MSI2: variants seen among roughly 807,000 people sequenced by gnomAD.
MSI2 encodes the protein RNA-binding protein Musashi homolog 2.
Under a neutral mutation model 45.6 loss-of-function variants are expected in MSI2, and 17 were observed. The observed-to-expected ratio is 0.37, with a 90% CI of 0.26 to 0.56. The LOEUF is 0.56. Among genes scored for constraint, MSI2 ranks in the 20% least tolerant of loss-of-function variants. The pLI is 0.77. For missense variants in MSI2, 293 were observed against 444.2 expected (o/e 0.66, Z 3.06); for synonymous variants, 156 against 158.2 (o/e 0.99, Z 0.11).
chr17:57,450,283 G>C (rs978165409), intron 6 of MSI2: 1 of 131,668 alleles, frequency 7.6e-6, no homozygotes, highest in African/African-American at 3.2e-5. Context: ...AAGAAAGAAA[G>C]AAAGAAAGAA....
chr17:57,619,662 T>C (rs1245212303), intron 9 of MSI2, among the ~76,000 whole-genome samples: 2 of 152,144 alleles, frequency 1.3e-5, no homozygotes, highest in Admixed American at 6.5e-5. Context: ...CTGCAGCTCG[T>C]GGGCAGACCC....
intron 7 of MSI2, among the ~76,000 whole-genome samples, chr17:57,591,779 G>C (rs1287808908): frequency 6.6e-6 from 1 of 151,926 alleles, no homozygotes; most frequent in East Asian, 1.9e-4. Flanking sequence ...TGGGGGAGGG[G>C]GAAATGGGGA....
chr17:57,446,771 G>T (rs943377999), intron 6 of MSI2, among the ~76,000 whole-genome samples: 26 of 152,176 alleles, frequency 1.7e-4, no homozygotes, highest in African/African-American at 6.0e-4. Flanking sequence ...TTGATAGAAT[G>T]GATGAAAATG....
At position 57,683,952 on chromosome 17, in the gene MSI2, A is replaced by AT. The variant is rs1303784303; in HGVS notation, c.*4435_*4436insT. On this transcript the variant is annotated 3_prime_UTR_variant, in exon 14 of 14. Transcript: ENST00000284073. The surrounding 1 kb of genome is among the most constrained non-coding windows in gnomAD (Gnocchi z 5.2). ...CTTTCTTTTTTTTCTACCAAAAAAA[A>AT]GTAAGTAAACTAAAACACAAAAACA... is the stretch of plus-strand genomic sequence containing the variant. The AT allele has an allele frequency of 8.7e-6, 2 of 230,004 alleles. No individual in the cohort carries two copies. Among genetic ancestry groups the AT allele is most frequent in the Non-Finnish European group, 1.7e-5 (2 of 116,058 alleles). 14.2% of individuals were successfully genotyped at this position (230,004 alleles called of 1,614,324 possible).
At chr17:57,305,767 C>T (rs932538997) in intron 5 of MSI2, among the ~76,000 whole-genome samples, 1 of 152,174 alleles carries the variant, frequency 6.6e-6, no homozygotes, top group South Asian at 2.1e-4. Context: ...TCTGTTCCTT[C>T]TCTGCCATTG....
intron 5 of MSI2, among the ~76,000 whole-genome samples, chr17:57,269,173 G>C (rs1908117737): frequency 6.6e-6 from 1 of 152,206 alleles, no homozygotes; most frequent in African/African-American, 2.4e-5. Flanking sequence ...CTAGGCACTA[G>C]GAAAGGTCAG....
Position 57,444,322 on chromosome 17 carries a change from C to G in MSI2, c.405+42851C>G, listed in dbSNP as rs539822668. Among the ~76,000 whole-genome samples the G allele has an allele frequency of 3.6e-3, 550 of 152,102 alleles. 9 individuals carry two copies. Among genetic ancestry groups the G allele is most frequent in the African/African-American group, 0.013 (540 of 41,502 alleles). ...AGCACGGGCCAGGCACAGTAGCTCA[C>G]GCCTATAATCCCAGCACTTTGGGAG... On this transcript the variant is annotated intron_variant, in intron 6 of 13. Coordinates refer to ENST00000284073, the MANE Select transcript of MSI2 (RefSeq NM_138962.4).
chr17:57,604,878 C>T (rs1242148671), intron 8 of MSI2, among the ~76,000 whole-genome samples: 1 of 151,558 alleles, frequency 6.6e-6, no homozygotes, highest in African/African-American at 2.4e-5. Context: ...TGGCTCACCC[C>T]CCCACTCCTT....
chr17:57,279,529 A>T (rs529080069), intron 5 of MSI2: 1 of 152,344 alleles, frequency 6.6e-6, no homozygotes, highest in Non-Finnish European at 1.5e-5. Flanking sequence ...CCAGTCCTGA[A>T]CCAGGCCCAA....
At chr17:57,588,083 A>G (rs1261326503) in intron 7 of MSI2, among the ~76,000 whole-genome samples, 2 of 152,134 alleles carry the variant, frequency 1.3e-5, no homozygotes, top group Non-Finnish European at 2.9e-5. Context: ...AAGGGACCCC[A>G]AAGAGAGGCT....
At chr17:57,642,752 G>A (rs758653608) in intron 10 of MSI2, among the ~76,000 whole-genome samples, 17 of 152,204 alleles carry the variant, frequency 1.1e-4, no homozygotes, top group Non-Finnish European at 2.2e-4. Flanking sequence ...CAAGCACTCA[G>A]TATTTACTGG....
chr17:57,392,018 A>C (rs2083802505), intron 5 of MSI2, among the ~76,000 whole-genome samples: 1 of 152,172 alleles, frequency 6.6e-6, no homozygotes, highest in South Asian at 2.1e-4. Context: ...TCCCAGAGGG[A>C]TGGAGTGATG....
At chr17:57,525,273 G>A (rs772081244) in intron 6 of MSI2, among the ~76,000 whole-genome samples, 31 of 151,422 alleles carry the variant, frequency 2.0e-4, no homozygotes, top group Non-Finnish European at 3.2e-4. Flanking sequence ...TTGCTTTTTT[G>A]GGGGGGGCAG....
rs1040900642 is a variant in MSI2 at position 57,669,981 on chromosome 17, G to T, written c.791-4991G>T. Reference sequence around the variant, plus strand: ...GTCTTGAGGGCTGGCCCTGGCCTTTGCGGAAATGTGAGACCCACCACACCA... The same window carrying T: ...GTCTTGAGGGCTGGCCCTGGCCTTTTCGGAAATGTGAGACCCACCACACCA... On this transcript the variant is annotated intron_variant, in intron 11 of 13. Coordinates refer to ENST00000284073, the MANE Select transcript of MSI2 (RefSeq NM_138962.4). Among the ~76,000 whole-genome samples the T allele has an allele frequency of 3.3e-5, 5 of 152,366 alleles. No individual in the cohort carries two copies. The East Asian group carries it at 7.7e-4, about 23-fold the overall frequency.
chr17:57,693,221 C>T, the MSI2 span, among the ~76,000 whole-genome samples: 1 of 147,628 alleles, frequency 6.8e-6, no homozygotes, highest in East Asian at 2.5e-4. Flanking sequence ...TTCACTCTGT[C>T]GCCCAGGCCA....
intron 6 of MSI2, among the ~76,000 whole-genome samples, chr17:57,432,836 T>C (rs2084623550): frequency 6.6e-6 from 1 of 152,182 alleles, no homozygotes; most frequent in Non-Finnish European, 1.5e-5. Context: ...CCTTCTCTCT[T>C]CTGTCTGCTG....
chr17:57,465,559 G>A (rs1477984614), intron 6 of MSI2, among the ~76,000 whole-genome samples: 2 of 152,172 alleles, frequency 1.3e-5, no homozygotes, highest in East Asian at 3.8e-4. Flanking sequence ...ATGAGGAAGG[G>A]GAGAAAGGAG....
intron 5 of MSI2, among the ~76,000 whole-genome samples, chr17:57,347,069 A>G (rs1915673762): frequency 6.6e-6 from 1 of 152,192 alleles, no homozygotes; most frequent in Non-Finnish European, 1.5e-5. Flanking sequence ...TCAAACACAT[A>G]TCAGTTATGC....
At chr17:57,382,167 C>T (rs2083608637) in intron 5 of MSI2, among the ~76,000 whole-genome samples, 1 of 152,190 alleles carries the variant, frequency 6.6e-6, no homozygotes, top group East Asian at 1.9e-4. Flanking sequence ...ATATTTATTG[C>T]ATGTCACTGA....
Sources: allele counts gnomAD v4.1 joint callset (sites outside exome capture counted in the v4.1 genomes callset), GRCh38; gene constraint gnomAD v4.1.1; non-coding constraint Gnocchi (gnomAD v3.1); transcripts MANE v1.5; gene names NCBI Gene and HGNC (gene_info 2026-07-23, HGNC 2026-07-21).